NALF1: variants seen among roughly 807,000 people sequenced by gnomAD.
NALF1 encodes the protein family with sequence similarity 155 member A.
NALF1 carries 3 observed loss-of-function variants against 48.4 expected under a neutral mutation model. The ratio of observed to expected loss-of-function variants is 0.06; its 90% CI spans 0.03 to 0.16. The LOEUF (loss-of-function observed/expected upper bound fraction) is 0.16. NALF1 is among the 10% of genes least tolerant of loss of function. NALF1 has a pLI of 1.00. For synonymous variants in NALF1, 262 were observed against 245.7 expected (o/e 1.07, Z -0.62); for missense variants, 526 against 571.5 (o/e 0.92, Z 0.81).
At chr13:107,654,727 A>C (rs1880532851) in intron 1 of NALF1, among the ~76,000 whole-genome samples, 1 of 152,096 alleles carries the variant, frequency 6.6e-6, no homozygotes, top group Admixed American at 6.6e-5. Flanking sequence ...ATCCCTGAAA[A>C]ACATAGATGT....
intron 1 of NALF1, among the ~76,000 whole-genome samples, chr13:107,678,568 T>C (rs1479144571): frequency 6.6e-6 from 1 of 152,200 alleles, no homozygotes; most frequent in African/African-American, 2.4e-5. Flanking sequence ...CGGTTTTGTA[T>C]TAGTTCACTT....
intron 1 of NALF1, among the ~76,000 whole-genome samples, chr13:107,791,841 T>C (rs546988454): frequency 4.6e-5 from 7 of 150,906 alleles, no homozygotes; most frequent in Admixed American, 1.3e-4. Context: ...GTACCTAAAA[T>C]CCCAGCTACT....
chr13:107,205,679 C>T (rs1380903711), intron 2 of NALF1, among the ~76,000 whole-genome samples: 1 of 152,142 alleles, frequency 6.6e-6, no homozygotes, highest in East Asian at 1.9e-4. Flanking sequence ...GTTTTATCTC[C>T]ATTGTCAGTA....
intron 1 of NALF1, among the ~76,000 whole-genome samples, chr13:107,297,605 C>T (rs1252492757): frequency 6.6e-6 from 1 of 152,108 alleles, no homozygotes; most frequent in Admixed American, 6.5e-5. Context: ...CAAAGGCTCT[C>T]AGAATTTTTG....
chr13:107,206,861 G>A (rs1336711391), intron 2 of NALF1, among the ~76,000 whole-genome samples: 2 of 152,204 alleles, frequency 1.3e-5, no homozygotes, highest in Non-Finnish European at 2.9e-5. Context: ...AATAAGAAAA[G>A]TAAGTGAAGA....
At chr13:107,226,571 A>G (rs1242173831) in intron 1 of NALF1, among the ~76,000 whole-genome samples, 2 of 152,240 alleles carry the variant, frequency 1.3e-5, no homozygotes, top group Non-Finnish European at 2.9e-5. Context: ...TTCATAGACT[A>G]TAATGTAAAA....
chr13:107,525,424 A>G (rs886401667), intron 1 of NALF1, among the ~76,000 whole-genome samples: 2 of 152,062 alleles, frequency 1.3e-5, no homozygotes, highest in African/African-American at 4.8e-5. Context: ...AGATTCATCT[A>G]TGTTGTTGCT....
At chr13:107,690,778 T>G (rs995927299) in intron 1 of NALF1, among the ~76,000 whole-genome samples, 1 of 152,160 alleles carries the variant, frequency 6.6e-6, no homozygotes, top group African/African-American at 2.4e-5. Flanking sequence ...GAAGAAAGAA[T>G]GAGGGAAATT....
chr13:107,724,958 C>A lies in NALF1; in HGVS notation c.915+140724G>T, dbSNP rs530220362. Among the ~76,000 whole-genome samples the A allele has an allele frequency of 1.3e-4, 20 of 152,318 alleles. 1 individual carries two copies. The South Asian group carries it at 2.9e-3, about 22-fold the overall frequency. ...AACTCAGAGGTTCGTTTCACTGATA[C>A]TTCTCATTCTAGCTTCCAAGAACTC... On this transcript the variant is annotated intron_variant, in intron 1 of 2. Transcript: ENST00000375915.
intron 1 of NALF1, among the ~76,000 whole-genome samples, chr13:107,771,358 T>C (rs868231987): frequency 6.6e-6 from 1 of 152,088 alleles, no homozygotes; most frequent in Middle Eastern, 3.4e-3. Flanking sequence ...ATCATCATAA[T>C]ACATAACATA....
chr13:107,261,751 T>A (rs1880931563), intron 1 of NALF1, among the ~76,000 whole-genome samples: 2 of 152,154 alleles, frequency 1.3e-5, no homozygotes, highest in South Asian at 4.1e-4. Flanking sequence ...TAGCCACTGA[T>A]TAAGCTGACC....
intron 1 of NALF1, among the ~76,000 whole-genome samples, chr13:107,210,989 T>C (rs1413512992): frequency 6.6e-6 from 1 of 152,216 alleles, no homozygotes; most frequent in Non-Finnish European, 1.5e-5. Context: ...ATGTAAAAGG[T>C]ATTTTGACCT....
At chr13:107,503,403 T>C (rs979909594) in intron 1 of NALF1, among the ~76,000 whole-genome samples, 1 of 152,150 alleles carries the variant, frequency 6.6e-6, no homozygotes, top group Non-Finnish European at 1.5e-5. Context: ...CTATGAGATA[T>C]TACCTCACAC....
intron 1 of NALF1, among the ~76,000 whole-genome samples, chr13:107,857,286 C>T (rs530220712): frequency 1.3e-5 from 2 of 152,206 alleles, no homozygotes; most frequent in East Asian, 3.9e-4. Flanking sequence ...GGATAAATGC[C>T]GAGTGAAGTA....
At chr13:107,288,557 C>T (rs1881550806) in intron 1 of NALF1, among the ~76,000 whole-genome samples, 1 of 125,840 alleles carries the variant, frequency 7.9e-6, no homozygotes, top group South Asian at 2.8e-4. Flanking sequence ...TGGTGTCTCG[C>T]TCTTGCTCTT....
chr13:107,496,708 C>T (rs1262377761), intron 1 of NALF1, among the ~76,000 whole-genome samples: 3 of 152,162 alleles, frequency 2.0e-5, no homozygotes, highest in Non-Finnish European at 2.9e-5. Flanking sequence ...GTTTATTGGA[C>T]TTACAGTTCC....
chr13:107,571,609 T>C (rs1218987355), intron 1 of NALF1, among the ~76,000 whole-genome samples: 1 of 152,152 alleles, frequency 6.6e-6, no homozygotes, highest in Non-Finnish European at 1.5e-5. Flanking sequence ...CTTGAGTTCT[T>C]TGGGCCATTA....
intron 1 of NALF1, among the ~76,000 whole-genome samples, chr13:107,422,889 C>T (rs79735293): frequency 0.019 from 2,864 of 152,114 alleles, 34 homozygotes; most frequent in South Asian, 0.029. Flanking sequence ...TGGCTGGGGC[C>T]ACAAGCCAAG....
intron 1 of NALF1, among the ~76,000 whole-genome samples, chr13:107,387,964 G>A (rs1883558433): frequency 6.6e-6 from 1 of 152,102 alleles, no homozygotes; most frequent in Admixed American, 6.6e-5. Context: ...TGTACCAGTT[G>A]CCTGTCTATT....
Sources: allele counts gnomAD v4.1 joint callset (sites outside exome capture counted in the v4.1 genomes callset), GRCh38; gene constraint gnomAD v4.1.1; transcripts MANE v1.5; gene names NCBI Gene and HGNC (gene_info 2026-07-23, HGNC 2026-07-21).